GMPR: variants seen among roughly 807,000 people sequenced by gnomAD.
The protein encoded by GMPR is guanosine monophosphate reductase.
GMPR carries 31 observed loss-of-function variants against 38.4 expected under a neutral mutation model. The ratio of observed to expected loss-of-function variants is 0.81; its 90% confidence interval spans 0.61 to 1.09. The LOEUF (loss-of-function observed/expected upper bound fraction) is 1.09, where lower values mean the gene tolerates loss of function less well. Among genes scored for constraint, GMPR ranks in the 50% least tolerant of loss-of-function variants. The pLI, the probability that GMPR is intolerant of heterozygous loss-of-function variation, is 0.00. For synonymous variants in GMPR, 162 were observed against 173.3 expected, an observed-to-expected ratio of 0.93 and a Z score of 0.51; for missense variants, 468 against 453.7, an observed-to-expected ratio of 1.03 and a Z score of -0.29.
intron 8 of GMPR, among the ~76,000 whole-genome samples, chr6:16,291,450 C>A (rs1339992827): frequency 2.0e-5 from 3 of 152,216 alleles, no homozygotes; most frequent in Admixed American, 2.0e-4. Context: ...TCTCGAACTC[C>A]TGACTTCCAG....
intron 2 of GMPR, 107 bp downstream of exon 2, chr6:16,247,068 G>T: frequency 9.6e-7 from 1 of 1,036,586 alleles, no homozygotes; most frequent in Admixed American, 2.6e-5. Context: ...AGAAATGTGA[G>T]CTGCTTTGGG....
At chr6:16,288,411 G>A (rs1042499642) in intron 7 of GMPR, among the ~76,000 whole-genome samples, 2 of 152,202 alleles carry the variant, frequency 1.3e-5, no homozygotes. Context: ...CAGCAGCTGC[G>A]GAGGGTGTGC....
intron 4 of GMPR, among the ~76,000 whole-genome samples, chr6:16,273,532 A>C (rs900779018): frequency 3.3e-5 from 5 of 152,194 alleles, no homozygotes; most frequent in African/African-American, 1.2e-4. Flanking sequence ...GTGTGTTCTT[A>C]GGCCAAAGCT....
intron 4 of GMPR, among the ~76,000 whole-genome samples, chr6:16,267,872 G>A (rs895202657): frequency 1.3e-5 from 2 of 152,212 alleles, no homozygotes; most frequent in Non-Finnish European, 2.9e-5. Flanking sequence ...GCAGATCTCC[G>A]GGAGCCATGG....
chr6:16,249,443 T>A (rs1758823654), intron 2 of GMPR, among the ~76,000 whole-genome samples: 1 of 152,204 alleles, frequency 6.6e-6, no homozygotes. Context: ...ATGCTGGGAT[T>A]ACAGGAATGT....
chr6:16,247,927 G>A (rs369885631), intron 2 of GMPR, among the ~76,000 whole-genome samples: 2 of 152,176 alleles, frequency 1.3e-5, no homozygotes, highest in Non-Finnish European at 1.5e-5. Flanking sequence ...CTGTAAAGAG[G>A]GTAGCTAATA....
At chr6:16,285,867 A>G (rs756072496) in intron 7 of GMPR, 32 bp downstream of exon 7, 1 of 1,550,430 alleles carries the variant, frequency 6.4e-7, no homozygotes, top group Non-Finnish European at 8.8e-7. Flanking sequence ...GAGGGAGGGA[A>G]GGAAGGAAGG....
At chr6:16,257,330 CCTT>C (rs1581651148) in intron 4 of GMPR, among the ~76,000 whole-genome samples, 1 of 152,162 alleles carries the variant, frequency 6.6e-6, no homozygotes, top group Non-Finnish European at 1.5e-5. Context: ...TCATCTGTAT[CCTT>C]CATCATAGCC....
intron 1 of GMPR, among the ~76,000 whole-genome samples, 177 bp downstream of exon 1, chr6:16,238,957 G>A (rs1016565497): frequency 2.6e-5 from 4 of 152,092 alleles, no homozygotes; most frequent in African/African-American, 9.7e-5. Flanking sequence ...GTCTTTAAGG[G>A]CGGTGATACG....
At position 16,295,262 on chromosome 6, in the gene GMPR, C is replaced by T. The variant is rs1057501255; in HGVS notation, c.*76C>T. The T allele has an allele frequency of 9.1e-6, 10 of 1,101,604 alleles. No homozygotes were observed. The highest frequency in any genetic ancestry group is 1.1e-5 in the Non-Finnish European group (9 of 800,996). The allele number at this position is 1,101,604 out of a possible 1,614,324, so 68.2% of individuals were successfully genotyped here. The stretch of plus-strand genomic sequence containing the variant: ...TTTCCCATCTCCCCCCAAGTCTGTT[C>T]CGTCAGAGCTTCTGGCTGCTCCTGA... On this transcript the variant is annotated 3_prime_UTR_variant, in exon 9 of 9. Transcript: ENST00000259727.
At chr6:16,267,859 C>T (rs1455935733) in intron 4 of GMPR, among the ~76,000 whole-genome samples, 2 of 152,242 alleles carry the variant, frequency 1.3e-5, no homozygotes, top group Non-Finnish European at 2.9e-5. Context: ...TCAGCTGCTG[C>T]GGGCAGATCT....
intron 4 of GMPR, among the ~76,000 whole-genome samples, chr6:16,266,708 G>A (rs887812203): frequency 6.6e-6 from 1 of 151,696 alleles, no homozygotes; most frequent in African/African-American, 2.4e-5. Flanking sequence ...CTACTCGGGA[G>A]GCTGAGGCAG....
chr6:16,270,959 G>T (rs1490606040), intron 4 of GMPR, among the ~76,000 whole-genome samples: 2 of 152,122 alleles, frequency 1.3e-5, no homozygotes, highest in Admixed American at 6.5e-5. Context: ...GGCAGAGGTG[G>T]GGGGATTACT....
At chr6:16,289,848 A>ATTTTTTTTTTTTTTTTTTTTTTTTTTT (rs546450494) in intron 7 of GMPR, 4 of 63,188 alleles carry the variant, frequency 6.3e-5, no homozygotes, top group African/African-American at 2.1e-4. Context: ...ATACTGCCCA[A>ATTTTTTTTTTTTTTTTTTTTTTTTTTT]TTTTTTTTTT....
At chr6:16,288,382 A>AT (rs1213632002) in intron 7 of GMPR, among the ~76,000 whole-genome samples, 1 of 152,122 alleles carries the variant, frequency 6.6e-6, no homozygotes, top group Non-Finnish European at 1.5e-5. Flanking sequence ...TCAGGCAATG[A>AT]GAGGCTTAGC....
At chr6:16,249,149 A>G (rs1323227868) in intron 2 of GMPR, among the ~76,000 whole-genome samples, 1 of 150,258 alleles carries the variant, frequency 6.7e-6, no homozygotes, top group African/African-American at 2.5e-5. Context: ...CCCGCCATGC[A>G]GTTGTTACAT....
chr6:16,287,251 G>T (rs936671516), intron 7 of GMPR, among the ~76,000 whole-genome samples: 2 of 152,180 alleles, frequency 1.3e-5, no homozygotes, highest in African/African-American at 4.8e-5. Context: ...ATTGGCCAAG[G>T]GCATTTTTAT....
intron 4 of GMPR, among the ~76,000 whole-genome samples, chr6:16,256,389 G>A (rs151321128): frequency 1.7e-4 from 26 of 150,316 alleles, no homozygotes; most frequent in African/African-American, 5.6e-4. Flanking sequence ...AATTAGCCAG[G>A]CATGGTGGCA....
At chr6:16,278,245 G>C in intron 5 of GMPR, among the ~76,000 whole-genome samples, 1 of 152,264 alleles carries the variant, frequency 6.6e-6, no homozygotes, top group South Asian at 2.1e-4. Flanking sequence ...TGGGCCAAGC[G>C]GTATCCCTCC....
Sources: allele counts gnomAD v4.1 joint callset (sites outside exome capture counted in the v4.1 genomes callset), GRCh38; gene constraint gnomAD v4.1.1; transcripts MANE v1.5; gene names NCBI Gene and HGNC (gene_info 2026-07-23, HGNC 2026-07-21).